The following ASTN1 variants were observed in gnomAD, a reference collection of about 807,000 sequenced individuals.
The protein encoded by ASTN1 is astrotactin-1.
Under a neutral mutation model 140.7 loss-of-function variants are expected in ASTN1, and 41 were observed. That is an observed-to-expected ratio of 0.29 (90% confidence interval 0.23 to 0.38). The LOEUF (loss-of-function observed/expected upper bound fraction) is 0.38. Ranked by LOEUF, ASTN1 falls within the 10% of genes least tolerant of loss-of-function variation. The pLI, the probability that ASTN1 is intolerant of heterozygous loss-of-function variation, is 1.00. For synonymous variants in ASTN1, 640 were observed against 652.2 expected (o/e 0.98, Z 0.29); for missense variants, 1,479 against 1,678.8 (o/e 0.88, Z 2.08).
At chr1:176,935,445 T>A (rs1359775560) in intron 15 of ASTN1, among the ~76,000 whole-genome samples, 1 of 152,158 alleles carries the variant, frequency 6.6e-6, no homozygotes, top group Non-Finnish European at 1.5e-5. Flanking sequence ...GTCAGTGAGG[T>A]CCCCATCCTA....
At chr1:176,909,814 G>C (rs979746977) in intron 16 of ASTN1, among the ~76,000 whole-genome samples, 1 of 152,016 alleles carries the variant, frequency 6.6e-6, no homozygotes, top group South Asian at 2.1e-4. Flanking sequence ...GACCCTGGGC[G>C]TATCTTTCCA....
chr1:176,950,689 G>A (rs1672156849), intron 11 of ASTN1, among the ~76,000 whole-genome samples: 1 of 151,938 alleles, frequency 6.6e-6, no homozygotes, highest in Non-Finnish European at 1.5e-5. Flanking sequence ...GCTGGAAGCA[G>A]GTAAATAACT....
chr1:176,934,608 T>A lies in ASTN1; in HGVS notation c.2483-268A>T, dbSNP rs113361870. On this transcript the variant is annotated intron_variant, in intron 15 of 22. Transcript: ENST00000361833. The stretch of plus-strand genomic sequence containing the variant: ...AACCTCTACTCCTGTCCCCTTTAAA[T>A]CAATGTGTTTTTTTTTTTTTAAATC... 9.6e-3 allele frequency among the ~76,000 whole-genome samples: 1,463 copies of A among 151,730 alleles called. 24 individuals are homozygous for A. The highest frequency in any genetic ancestry group is 0.031 in the African/African-American group (1,281 of 41,104).
At chr1:177,015,024 C>G (rs1675478863) in intron 7 of ASTN1, 149 bp from the exon 8 acceptor site, 1 of 651,448 alleles carries the variant, frequency 1.5e-6, no homozygotes, top group African/African-American at 1.8e-5. Context: ...ATGTCATATA[C>G]TCCCCTCTCC....
At chr1:177,144,820 T>G (rs1454984355) in intron 1 of ASTN1, among the ~76,000 whole-genome samples, 1 of 152,122 alleles carries the variant, frequency 6.6e-6, no homozygotes, top group Non-Finnish European at 1.5e-5. Flanking sequence ...AGATTCAATG[T>G]GCAGCGATAT....
intron 22 of ASTN1, 60 bp from the exon 23 acceptor site, chr1:176,864,581 A>G: frequency 6.3e-7 from 1 of 1,583,878 alleles, no homozygotes; most frequent in Non-Finnish European, 8.6e-7. Flanking sequence ...GGATGAGCAC[A>G]GCTACTGTTA....
intron 1 of ASTN1, among the ~76,000 whole-genome samples, chr1:177,120,193 T>C (rs920746750): frequency 8.5e-5 from 13 of 152,174 alleles, no homozygotes; most frequent in African/African-American, 2.9e-4. Flanking sequence ...TGTTTGATTG[T>C]TTGATATTTA....
intron 5 of ASTN1, among the ~76,000 whole-genome samples, chr1:177,029,124 G>A (rs957707678): frequency 1.2e-4 from 18 of 152,236 alleles, no homozygotes; most frequent in East Asian, 3.9e-4. Context: ...TGGGAGGCTC[G>A]GGGTCCTGTG....
At chr1:177,120,166 G>T (rs1558109697) in intron 1 of ASTN1, among the ~76,000 whole-genome samples, 2 of 152,166 alleles carry the variant, frequency 1.3e-5, no homozygotes, top group East Asian at 1.9e-4. Flanking sequence ...AGCTCAGAAG[G>T]CCCCTAGAAA....
chr1:177,064,459 T>G (rs1678250769), intron 1 of ASTN1, among the ~76,000 whole-genome samples: 1 of 152,160 alleles, frequency 6.6e-6, no homozygotes, highest in Non-Finnish European at 1.5e-5. Flanking sequence ...GTCCAAGGCT[T>G]TTCATGAGGA....
intron 1 of ASTN1, among the ~76,000 whole-genome samples, chr1:177,159,370 T>C (rs1019899456): frequency 2.0e-5 from 3 of 152,168 alleles, no homozygotes; most frequent in African/African-American, 4.8e-5. Flanking sequence ...TCTATACAAA[T>C]GCATTTACTA....
At chr1:177,058,087 G>A (rs1677898916) in intron 2 of ASTN1, among the ~76,000 whole-genome samples, 1 of 152,194 alleles carries the variant, frequency 6.6e-6, no homozygotes, top group African/African-American at 2.4e-5. Context: ...GAGAAATGCA[G>A]TGTGTGGGGT....
chr1:177,109,834 CT>C (rs1277257527), intron 1 of ASTN1, among the ~76,000 whole-genome samples: 2 of 152,196 alleles, frequency 1.3e-5, no homozygotes, highest in Admixed American at 1.3e-4. Context: ...ATTCTCTCCA[CT>C]GTTTTACTGC....
At chr1:176,958,600 G>A in intron 9 of ASTN1, 118 bp from the exon 10 acceptor site, 1 of 1,345,006 alleles carries the variant, frequency 7.4e-7, no homozygotes, top group Middle Eastern at 2.7e-4. Flanking sequence ...TTTTCAGAAA[G>A]ACTGCCTTTT....
chr1:176,949,629 C>A (rs530486610), intron 11 of ASTN1, among the ~76,000 whole-genome samples: 3 of 152,178 alleles, frequency 2.0e-5, no homozygotes, highest in Admixed American at 6.5e-5. Flanking sequence ...CAAGACACAG[C>A]CGAGGTGTAC....
chr1:177,117,550 T>C (rs1681154461), intron 1 of ASTN1, among the ~76,000 whole-genome samples: 1 of 152,116 alleles, frequency 6.6e-6, no homozygotes. Context: ...GAGTAAACAG[T>C]GAACGATAAA....
chr1:177,036,240 G>A (rs1355369172), intron 2 of ASTN1, among the ~76,000 whole-genome samples: 1 of 151,696 alleles, frequency 6.6e-6, no homozygotes, highest in Admixed American at 6.6e-5. Flanking sequence ...AGTAGAGACG[G>A]GGTTTCTCCA....
intron 16 of ASTN1, among the ~76,000 whole-genome samples, chr1:176,909,315 A>G (rs186924783): frequency 4.6e-5 from 7 of 152,228 alleles, no homozygotes; most frequent in African/African-American, 1.7e-4. Context: ...CATGAGATCT[A>G]TCAGAAGATG....
At chr1:177,148,630 CT>C (rs199808314) in intron 1 of ASTN1, among the ~76,000 whole-genome samples, 34 of 141,952 alleles carry the variant, frequency 2.4e-4, no homozygotes, top group African/African-American at 2.3e-4. Flanking sequence ...CTTTTTTCTT[CT>C]TTTTTTTTTA....
Sources: allele counts gnomAD v4.1 joint callset (sites outside exome capture counted in the v4.1 genomes callset), GRCh38; gene constraint gnomAD v4.1.1; transcripts MANE v1.5; gene names NCBI Gene and HGNC (gene_info 2026-07-23, HGNC 2026-07-21).